TRAPPC14: variants seen among roughly 807,000 people sequenced by gnomAD.
The protein encoded by TRAPPC14 is trafficking protein particle complex subunit 14, also known as microtubule associated protein 11.
TRAPPC14 carries 24 observed loss-of-function variants against 56.6 expected under a neutral mutation model. The ratio of observed to expected loss-of-function variants is 0.42; its 90% CI spans 0.31 to 0.60. The LOEUF (loss-of-function observed/expected upper bound fraction) is 0.60, where lower values mean the gene tolerates loss of function less well. Ranked by LOEUF, TRAPPC14 falls within the 20% of genes least tolerant of loss-of-function variation. The pLI is 0.14. For synonymous variants in TRAPPC14, 377 were observed against 347.0 expected (o/e 1.09, Z -0.96); for missense variants, 615 against 790.3 (o/e 0.78, Z 2.66).
In TRAPPC14 at chr7:100,156,762, C is replaced by G; in HGVS notation, c.994-46G>C. On this transcript the variant is annotated intron_variant, in intron 6 of 10. Transcript: ENST00000316937. ...GTTGGCACAGGTATTAAGAGTGCCC[C>G]TCCCATCTTGAGTCAGCTGCCTGGT... is the stretch of plus-strand genomic sequence containing the variant. 1.9e-6 allele frequency: 3 copies of G among 1,600,160 alleles called. No homozygotes were observed. In the East Asian group the frequency reaches 6.7e-5, roughly 36 times the overall value.
chr7:100,156,138 G>T, intron 8 of TRAPPC14: 1 of 615,020 alleles, frequency 1.6e-6, no homozygotes, highest in East Asian at 2.8e-5. Context: ...GAGAAGTAGA[G>T]TTCACACCAG....
rs766945248 is a variant in TRAPPC14 at position 100,155,707 on chromosome 7, A to G, written c.1359T>C (p.Ser453=). The G allele has an allele frequency of 6.2e-7, 1 of 1,613,204 alleles. No homozygotes were observed. Among genetic ancestry groups the G allele is most frequent in the East Asian group, 2.2e-5 (1 of 44,902 alleles). The change falls in exon 9 of 11, where the codon AGT becomes AGC. Residue 453 remains serine (S), a synonymous_variant. Coordinates refer to ENST00000316937, the MANE Select transcript of TRAPPC14 (RefSeq NM_018275.5). ...FSRKGSALTF[S]VAFQALRTGL... The stretch of plus-strand genomic sequence containing the variant: ...CCGTCCTCAGAGCCTGGAAGGCCAC[A>G]CTGAAGGTGAGCGCGCTGCCCTTCC...
chr7:100,155,912 A>C, intron 8 of TRAPPC14, 87 bp from the exon 9 acceptor site: 1 of 1,538,730 alleles, frequency 6.5e-7, no homozygotes, highest in Non-Finnish European at 9.0e-7. Context: ...CTGATTCTCA[A>C]AGCCACTCTG....
Position 100,154,498 on chromosome 7 carries a change from C to CAAA in TRAPPC14, c.*510_*512dup. 6.2e-6 allele frequency: 1 copy of CAAA among 160,922 alleles called. No homozygotes were observed. Among genetic ancestry groups the CAAA allele is most frequent in the South Asian group, 1.3e-4 (1 of 7,774 alleles). 10.0% of individuals were successfully genotyped at this position (160,922 alleles called of 1,614,324 possible). A position where few individuals can be genotyped will look rare whatever the true frequency, so the allele number is the denominator to read the frequency against. On this transcript the variant is annotated 3_prime_UTR_variant, in exon 11 of 11. Transcript: ENST00000316937. Reference sequence around the variant, plus strand: ...TGGAAAATAAGTTACAGGAACAGACCAAAAAAAAAAAAATTAAAGTGCTTC... The same window carrying CAAA: ...TGGAAAATAAGTTACAGGAACAGACCAAAAAAAAAAAAAAAATTAAAGTGCTTC...
chr7:100,155,686 C>G lies in TRAPPC14; in HGVS notation c.1380G>C (p.Arg460Ser), dbSNP rs762081031. ...LTFSVAFQAL[R>S]TGLFELSQHM... The stretch of plus-strand genomic sequence containing the variant: ...CCCAGCCCACCTCGAAGAGCCCCGT[C>G]CTCAGAGCCTGGAAGGCCACACTGA... The change falls in exon 9 of 11, where the codon AGG becomes AGC. Residue 460 changes from arginine (R) to serine (S), a missense_variant. Arg to Ser is a moderately radical substitution (Grantham distance 110, BLOSUM62 -1). Coordinates refer to ENST00000316937, the MANE Select transcript of TRAPPC14 (RefSeq NM_018275.5). 4 of 1,608,358 alleles carry G rather than the reference C, an allele frequency of 2.5e-6. No homozygotes were observed. In the South Asian group the frequency reaches 4.4e-5, roughly 18 times the overall value.
intron 9 of TRAPPC14, 104 bp downstream of exon 9, chr7:100,155,567 T>C (rs564948000): frequency 1.3e-6 from 2 of 1,507,900 alleles, no homozygotes; most frequent in African/African-American, 1.4e-5. Context: ...CCACCTTCCC[T>C]CTGCCCAGCT....
At position 100,158,532 on chromosome 7, in the gene TRAPPC14, G is replaced by T; in HGVS notation, c.-33C>A. 1.5e-6 allele frequency: 2 copies of T among 1,303,574 alleles called. No homozygotes were observed. Among genetic ancestry groups the T allele is most frequent in the South Asian group, 4.5e-5 (2 of 44,174 alleles). 80.8% of individuals were successfully genotyped at this position (1,303,574 alleles called of 1,614,324 possible). On this transcript the variant is annotated 5_prime_UTR_variant, in exon 1 of 11. Coordinates refer to ENST00000316937, the MANE Select transcript of TRAPPC14 (RefSeq NM_018275.5). ...CGAGGACGGCGCGACTGGGAGCCCG[G>T]ACCGGAGGCCGACCGCCGGCGGGGC...
chr7:100,155,858 C>T, intron 8 of TRAPPC14, 33 bp from the exon 9 acceptor site: 1 of 1,614,034 alleles, frequency 6.2e-7, no homozygotes, highest in Non-Finnish European at 8.5e-7. Context: ...GCAAACACTA[C>T]AGCGTTCCTC....
At chr7:100,156,767 A>G in intron 6 of TRAPPC14, 51 bp from the exon 7 acceptor site, 1 of 1,601,052 alleles carries the variant, frequency 6.2e-7, no homozygotes, top group Non-Finnish European at 8.5e-7. Context: ...TGCCCCTCCC[A>G]TCTTGAGTCA....
intron 9 of TRAPPC14, 53 bp downstream of exon 9, chr7:100,155,618 C>T: frequency 6.5e-7 from 1 of 1,533,304 alleles, no homozygotes; most frequent in Non-Finnish European, 8.8e-7. Flanking sequence ...TGCCTCCGTC[C>T]ACCCCAGCAT....
chr7:100,157,637 G>A lies in TRAPPC14; in HGVS notation c.633C>T (p.Ala211=), dbSNP rs751600603. The A allele has an allele frequency of 9.9e-6, 16 of 1,613,956 alleles. No homozygotes were observed. The African/African-American group carries it at 1.3e-4, about 13-fold the overall frequency. Reference sequence around the variant, plus strand: ...CCTCTGCGCTGCCCTGCCCACCTTGGGCCTTGAAAGCGCTCTGCTCGCCCC... The same window carrying A: ...CCTCTGCGCTGCCCTGCCCACCTTGAGCCTTGAAAGCGCTCTGCTCGCCCC... ...TFRGEQSAFK[A]QVSTLLTLLP... The change falls in exon 3 of 11, where the codon GCC becomes GCT. Residue 211 remains alanine, a synonymous_variant. Transcript: ENST00000316937.
At position 100,156,362 on chromosome 7, in the gene TRAPPC14, A is replaced by G. The variant is rs1243192823; in HGVS notation, c.1240+24T>C. The G allele has an allele frequency of 2.5e-6, 4 of 1,611,434 alleles. No individual in the cohort carries two copies. The African/African-American group carries it at 5.3e-5, about 22-fold the overall frequency. On this transcript the variant is annotated intron_variant, in intron 8 of 10. Coordinates refer to ENST00000316937, the MANE Select transcript of TRAPPC14 (RefSeq NM_018275.5). The stretch of plus-strand genomic sequence containing the variant: ...TTCTCTTCCCCTCCCTGGGGACCAA[A>G]TTCCTACCTGGCAGCTGACCTACCA...
Position 100,154,498 on chromosome 7 carries a change from CAAAA to C in TRAPPC14, c.*509_*512del. 6.2e-6 allele frequency: 1 copy of C among 160,936 alleles called. No individual in the cohort carries two copies. Among genetic ancestry groups the C allele is most frequent in the Non-Finnish European group, 1.3e-5 (1 of 75,504 alleles). The allele number at this position is 160,936 out of a possible 1,614,324, so 10.0% of individuals were successfully genotyped here. A position where few individuals can be genotyped will look rare whatever the true frequency, so the allele number is the denominator to read the frequency against. On this transcript the variant is annotated 3_prime_UTR_variant, in exon 11 of 11. Transcript: ENST00000316937. The stretch of plus-strand genomic sequence containing the variant: ...TGGAAAATAAGTTACAGGAACAGAC[CAAAA>C]AAAAAAAAATTAAAGTGCTTCAGGC...
At chr7:100,157,050 GC>G (rs2116960985) in intron 5 of TRAPPC14, 43 bp downstream of exon 5, 2 of 1,613,960 alleles carry the variant, frequency 1.2e-6, no homozygotes, top group Non-Finnish European at 1.7e-6. Flanking sequence ...AGCCCCTGAA[GC>G]CATCCCCACC....
chr7:100,157,971 G>A, intron 1 of TRAPPC14, 33 bp from the exon 2 acceptor site: 1 of 1,511,570 alleles, frequency 6.6e-7, no homozygotes. Context: ...GAGGTCAGGA[G>A]CAAGTCAGAG....
chr7:100,157,060 C>A, intron 5 of TRAPPC14, 34 bp downstream of exon 5: 2 of 1,613,962 alleles, frequency 1.2e-6, no homozygotes, highest in Non-Finnish European at 1.7e-6. Flanking sequence ...GCCATCCCCA[C>A]CACTTCACAG....
At chr7:100,157,350 C>T (rs1321583044) in intron 4 of TRAPPC14, 23 bp downstream of exon 4, 1 of 1,613,700 alleles carries the variant, frequency 6.2e-7, no homozygotes, top group African/African-American at 1.3e-5. Context: ...CTCCCGGAGG[C>T]TGGAGCCGGC....
Position 100,158,374 on chromosome 7 carries a change from C to T in TRAPPC14, c.126G>A (p.Glu42=). ...GCAACACCAGCAGAAAACGGACAGT[C>T]TCCCCCAAGTACAGATGGTTGCGCC... ...LPRRNHLYLG[E]TVRFLLVLRC... Residue 42 remains glutamate (E), a synonymous_variant, in exon 1 of 11, where the codon GAG becomes GAA. Coordinates refer to ENST00000316937, the MANE Select transcript of TRAPPC14 (RefSeq NM_018275.5). The T allele has an allele frequency of 6.7e-7, 1 of 1,493,198 alleles. No individual in the cohort carries two copies. Among genetic ancestry groups the T allele is most frequent in the Non-Finnish European group, 8.9e-7 (1 of 1,124,556 alleles). The allele number at this position is 1,493,198 out of a possible 1,614,324, so 92.5% of individuals were successfully genotyped here.
chr7:100,157,957 T>C lies in TRAPPC14; in HGVS notation c.412-19A>G. The C allele has an allele frequency of 6.5e-7, 1 of 1,528,310 alleles. No individual in the cohort carries two copies. Among genetic ancestry groups the C allele is most frequent in the Non-Finnish European group, 8.8e-7 (1 of 1,137,042 alleles). The allele number at this position is 1,528,310 out of a possible 1,614,324, so 94.7% of individuals were successfully genotyped here. ...CAGGCAGCTGGGGTTGGGAAAGGGGTGAAGAGGTCAGGAGCAAGTCAGAGG... is the reference window on the plus strand; with the variant it reads ...CAGGCAGCTGGGGTTGGGAAAGGGGCGAAGAGGTCAGGAGCAAGTCAGAGG... On this transcript the variant is annotated intron_variant, in intron 1 of 10. Transcript: ENST00000316937.
Sources: gnomAD v4.1 joint callset for allele counts on GRCh38, gnomAD v4.1.1 for gene constraint, MANE v1.5 for transcripts, NCBI Gene and HGNC (gene_info 2026-07-23, HGNC 2026-07-21) for gene names.